The following DNAH14 variants were observed in gnomAD, a reference collection of about 807,000 sequenced individuals.
DNAH14 encodes the protein axonemal beta dynein heavy chain 14.
DNAH14 carries 478 observed loss-of-function variants against 520.9 expected under a neutral mutation model. The ratio of observed to expected loss-of-function variants is 0.92; its 90% CI spans 0.85 to 0.99. DNAH14 has a LOEUF of 0.99. DNAH14 is among the 50% of genes least tolerant of loss of function. The probability of loss-of-function intolerance (pLI) is 0.00; values close to 1 mark genes in which losing one functional copy is unlikely to be tolerated. For synonymous variants in DNAH14, 1,581 were observed against 1,757.2 expected (o/e 0.90, Z 2.51); for missense variants, 4,831 against 5,234.5 (o/e 0.92, Z 2.38).
intron 73 of DNAH14, among the ~76,000 whole-genome samples, chr1:225,357,595 T>A (rs1179300384): frequency 1.0e-5 from 1 of 97,790 alleles, no homozygotes; most frequent in African/African-American, 4.3e-5. Context: ...TTTTCATTTT[T>A]AAAAATATAA....
chr1:225,031,497 A>C (rs2066519546), intron 11 of DNAH14, among the ~76,000 whole-genome samples: 1 of 25,184 alleles, frequency 4.0e-5, no homozygotes, highest in Non-Finnish European at 1.1e-3. Flanking sequence ...CTGGCCCCTT[A>C]CAGAAAAGGT....
intron 15 of DNAH14, among the ~76,000 whole-genome samples, chr1:225,045,803 G>A (rs2067905164): frequency 6.6e-6 from 1 of 152,094 alleles, no homozygotes. Flanking sequence ...CCATGATGAA[G>A]TTACCATATT....
intron 6 of DNAH14, 55 bp downstream of exon 6, chr1:224,967,638 C>A: frequency 6.3e-7 from 1 of 1,594,544 alleles, no homozygotes; most frequent in South Asian, 1.2e-5. Context: ...AAATATTATC[C>A]AAGGTAGAAT....
intron 8 of DNAH14, 55 bp from the exon 9 acceptor site, chr1:225,002,728 T>A: frequency 6.8e-7 from 1 of 1,475,098 alleles, no homozygotes; most frequent in South Asian, 1.2e-5. Context: ...ACCTCTAAAT[T>A]AATTTTATTC....
At chr1:225,055,381 C>G (rs903750435) in intron 17 of DNAH14, among the ~76,000 whole-genome samples, 5 of 152,062 alleles carry the variant, frequency 3.3e-5, no homozygotes, top group African/African-American at 9.7e-5. Context: ...AGAAGTATGT[C>G]TTTTCTTTAT....
At chr1:224,999,543 CT>C (rs780669398) in intron 8 of DNAH14, among the ~76,000 whole-genome samples, 12 of 152,180 alleles carry the variant, frequency 7.9e-5, no homozygotes, top group Non-Finnish European at 1.5e-4. Context: ...CAATCTCTGT[CT>C]TTTAATTGCC....
At chr1:224,987,112 GAGAGAA>G (rs2125729053) in intron 8 of DNAH14, among the ~76,000 whole-genome samples, 1 of 113,106 alleles carries the variant, frequency 8.8e-6, no homozygotes, top group East Asian at 3.1e-4. Flanking sequence ...AGAGAGGAGA[GAGAGAA>G]AGAGACAGAG....
intron 41 of DNAH14, among the ~76,000 whole-genome samples, chr1:225,216,574 C>T (rs1237818849): frequency 6.6e-6 from 1 of 152,166 alleles, no homozygotes; most frequent in Non-Finnish European, 1.5e-5. Context: ...TCCCATATTT[C>T]GTGGAGGTTT....
At chr1:224,988,364 A>G (rs1178073694) in intron 8 of DNAH14, among the ~76,000 whole-genome samples, 1 of 152,146 alleles carries the variant, frequency 6.6e-6, no homozygotes, top group Non-Finnish European at 1.5e-5. Context: ...GTGAACATTC[A>G]TGAAAAAGCT....
chr1:225,130,557 A>G (rs1018884692), intron 27 of DNAH14, among the ~76,000 whole-genome samples: 3 of 149,960 alleles, frequency 2.0e-5, no homozygotes, highest in Non-Finnish European at 4.5e-5. Context: ...ATTCTCAGTA[A>G]AATATCGCAA....
intron 31 of DNAH14, 28 bp downstream of exon 31, chr1:225,147,277 T>C: frequency 6.6e-7 from 1 of 1,508,990 alleles, no homozygotes; most frequent in Non-Finnish European, 8.8e-7. Context: ...TTATACCTTT[T>C]GAATTGAAAT....
intron 17 of DNAH14, among the ~76,000 whole-genome samples, chr1:225,056,664 G>C (rs1242141604): frequency 6.6e-6 from 1 of 152,128 alleles, no homozygotes; most frequent in African/African-American, 2.4e-5. Context: ...ATGGTTTTAG[G>C]TCTAACATTT....
At chr1:225,061,849 A>C (rs1018348520) in intron 17 of DNAH14, among the ~76,000 whole-genome samples, 2 of 152,194 alleles carry the variant, frequency 1.3e-5, no homozygotes, top group East Asian at 1.9e-4. Flanking sequence ...GTTCATCTTC[A>C]TCCATTTAGC....
Position 225,300,853 on chromosome 1 carries a change from A to G in DNAH14, c.8470-16A>G. On this transcript the variant is annotated splice_polypyrimidine_tract_variant and intron_variant, in intron 55 of 85. Transcript: ENST00000682510. ...AATAATTTACTCTTCCTCATTAAAT[A>G]TGTGTTTTGCCTAAGGACTCATTTT... is the stretch of plus-strand genomic sequence containing the variant. 1 of 1,549,194 alleles carries G rather than the reference A, an allele frequency of 6.5e-7. No individual in the cohort carries two copies. The highest frequency in any genetic ancestry group is 1.2e-5 in the South Asian group (1 of 83,656).
At chr1:225,214,384 C>A (rs142500428) in intron 41 of DNAH14, among the ~76,000 whole-genome samples, 19,389 of 152,018 alleles carry the variant, frequency 0.13, 1,375 homozygotes, top group East Asian at 0.31. Flanking sequence ...TTGGTTGTGT[C>A]TCTGCCCAGC....
At chr1:224,942,942 C>T (rs1043924134) in intron 1 of DNAH14, among the ~76,000 whole-genome samples, 6 of 152,144 alleles carry the variant, frequency 3.9e-5, no homozygotes, top group Admixed American at 6.5e-5. Context: ...CGATGTTCAT[C>T]GGGGATATTG....
chr1:225,070,091 C>T (rs1011339478), intron 17 of DNAH14, among the ~76,000 whole-genome samples: 1 of 152,026 alleles, frequency 6.6e-6, no homozygotes. Flanking sequence ...TTTGAATACT[C>T]TCCCTTTTCT....
chr1:225,074,305 A>G (rs3102108), intron 17 of DNAH14, among the ~76,000 whole-genome samples: 121,233 of 152,072 alleles, frequency 0.8, 51,698 homozygotes, highest in Non-Finnish European at 0.96. Flanking sequence ...GGCCTGTCTT[A>G]GGAAGTTTTT....
intron 69 of DNAH14, among the ~76,000 whole-genome samples, chr1:225,344,783 C>T (rs943869128): frequency 4.6e-5 from 7 of 151,908 alleles, no homozygotes; most frequent in African/African-American, 1.7e-4. Flanking sequence ...GGCACAATCT[C>T]AGCTCACTGC....
Sources: allele counts gnomAD v4.1 joint callset (sites outside exome capture counted in the v4.1 genomes callset), GRCh38; gene constraint gnomAD v4.1.1; transcripts MANE v1.5; gene names NCBI Gene and HGNC (gene_info 2026-07-23, HGNC 2026-07-21).